KPNA7: variants seen among roughly 807,000 people sequenced by gnomAD.
The protein encoded by KPNA7 is importin subunit alpha-8.
A neutral mutation model predicts 53.7 loss-of-function variants in KPNA7; 54 were observed. That is an observed-to-expected ratio of 1.01 (90% CI 0.81 to 1.26). The LOEUF (loss-of-function observed/expected upper bound fraction) is 1.26, where lower values mean the gene tolerates loss of function less well. KPNA7 is among the 50% of genes most tolerant of loss of function. The probability of loss-of-function intolerance (pLI) is 0.00; values close to 1 mark genes in which losing one functional copy is unlikely to be tolerated. For synonymous variants in KPNA7, 276 were observed against 259.3 expected, an observed-to-expected ratio of 1.06 and a Z score of -0.62; for missense variants, 640 against 644.5, an observed-to-expected ratio of 0.99 and a Z score of 0.07.
intron 6 of KPNA7, among the ~76,000 whole-genome samples, chr7:99,189,511 G>A (rs1789824173): frequency 6.6e-6 from 1 of 152,088 alleles, no homozygotes; most frequent in Non-Finnish European, 1.5e-5. Flanking sequence ...GGGACTGTCA[G>A]CCCCTCCCCT....
At chr7:99,184,618 A>G (rs1440281995) in intron 8 of KPNA7, among the ~76,000 whole-genome samples, 1 of 152,192 alleles carries the variant, frequency 6.6e-6, no homozygotes, top group Non-Finnish European at 1.5e-5. Context: ...TAGGGAGAGA[A>G]TAGATGGCAC....
chr7:99,195,140 C>T lies in KPNA7; in HGVS notation c.483G>A (p.Leu161=). The change falls in exon 5 of 11, where the codon TTG becomes TTA. Residue 161 remains leucine (L), a synonymous_variant. Coordinates refer to ENST00000327442, the MANE Select transcript of KPNA7 (RefSeq NM_001145715.3). ...AVVEGGAIQP[L]IELLSSSNVA... ...CGTTGGAGGAAGACAGGAGCTCAATCAAGGGCTGGATGGCTCCCCCTTCTA... is the reference window on the plus strand; with the variant it reads ...CGTTGGAGGAAGACAGGAGCTCAATTAAGGGCTGGATGGCTCCCCCTTCTA... 6.4e-7 allele frequency: 1 copy of T among 1,551,630 alleles called. No homozygotes were observed. The highest frequency in any genetic ancestry group is 8.7e-7 in the Non-Finnish European group (1 of 1,147,002).
intron 3 of KPNA7, among the ~76,000 whole-genome samples, chr7:99,198,995 A>C (rs943245803): frequency 6.6e-6 from 1 of 151,784 alleles, no homozygotes; most frequent in Non-Finnish European, 1.5e-5. Flanking sequence ...TTTAATTTAC[A>C]ACATAAAAAG....
Position 99,178,063 on chromosome 7 carries a change from C to T in KPNA7, c.1321G>A (p.Ala441Thr), listed in dbSNP as rs1369210823. ...TTTTCCTTCTCAGACCGTTTCTCTG[C>T]CGCCTGTGACCAAGTACAAGGGGAC... ...LDVISCILQA[A>T]EKRSEKENLC... Residue 441 changes from alanine (A) to threonine (T), a missense_variant, in exon 10 of 11, where the codon GCA becomes ACA. By Grantham distance (58) the Ala-to-Thr change is moderately conservative. Transcript: ENST00000327442. The T allele has an allele frequency of 6.4e-7, 1 of 1,551,268 alleles. No homozygotes were observed.
At chr7:99,187,839 A>C (rs1386904964) in intron 7 of KPNA7, among the ~76,000 whole-genome samples, 40 of 121,720 alleles carry the variant, frequency 3.3e-4, no homozygotes, top group Middle Eastern at 5.1e-3. Flanking sequence ...AAAAAAACCC[A>C]CTAGGATTTG....
At chr7:99,187,821 A>ATT (rs767599674) in intron 7 of KPNA7, among the ~76,000 whole-genome samples, 30,309 of 135,444 alleles carry the variant, frequency 0.22, 4,323 homozygotes, top group South Asian at 0.33. Flanking sequence ...AAAAAAAAAA[A>ATT]AAAAAAAAAA....
chr7:99,207,660 G>C lies in KPNA7; in HGVS notation c.-23-171C>G, dbSNP rs147429358. ...TTTTTTTTTTTTTTTTTTTGAGACAGAGTCTCGCTCTGTTGCCCAGACTTG... is the reference window on the plus strand; with the variant it reads ...TTTTTTTTTTTTTTTTTTTGAGACACAGTCTCGCTCTGTTGCCCAGACTTG... On this transcript the variant is annotated intron_variant, in intron 1 of 10. Coordinates refer to ENST00000327442, the MANE Select transcript of KPNA7 (RefSeq NM_001145715.3). 3.5e-3 allele frequency among the ~76,000 whole-genome samples: 344 copies of C among 99,178 alleles called. 14 individuals are homozygous for C. The East Asian group carries it at 0.099, about 29-fold the overall frequency. 65.1% of individuals were successfully genotyped at this position (99,178 alleles called of 152,430 possible). A position where few individuals can be genotyped will look rare whatever the true frequency, so the allele number is the denominator to read the frequency against.
At chr7:99,190,352 A>AG (rs1434302459) in intron 6 of KPNA7, among the ~76,000 whole-genome samples, 4 of 142,476 alleles carry the variant, frequency 2.8e-5, no homozygotes, top group Non-Finnish European at 6.2e-5. Flanking sequence ...AAAAAAAAGC[A>AG]GAAAAAAAAG....
At chr7:99,194,546 C>A (rs1480950208) in intron 5 of KPNA7, among the ~76,000 whole-genome samples, 1 of 152,166 alleles carries the variant, frequency 6.6e-6, no homozygotes, top group Non-Finnish European at 1.5e-5. Context: ...CCTGTGGCTT[C>A]AGTATACACT....
chr7:99,146,586 C>T, the KPNA7 span, among the ~76,000 whole-genome samples: 3 of 151,684 alleles, frequency 2.0e-5, no homozygotes, highest in Non-Finnish European at 2.9e-5. Context: ...GTGGTGTGCA[C>T]CTGTAGTCCC....
At chr7:99,203,340 A>T (rs1406088746) in intron 2 of KPNA7, 100 bp from the exon 3 acceptor site, 17 of 1,256,964 alleles carry the variant, frequency 1.4e-5, no homozygotes, top group Non-Finnish European at 1.8e-5. Flanking sequence ...ATTTTTACAG[A>T]TACAATAGGC....
chr7:99,206,305 C>T (rs1790812566), intron 2 of KPNA7, among the ~76,000 whole-genome samples: 1 of 151,970 alleles, frequency 6.6e-6, no homozygotes, highest in African/African-American at 2.4e-5. Context: ...GGATTACAGG[C>T]CCCCGCCACC....
upstream of KPNA7, among the ~76,000 whole-genome samples, chr7:99,208,224 G>GAC (rs1790920097): frequency 6.6e-6 from 1 of 151,538 alleles, no homozygotes; most frequent in Admixed American, 6.6e-5. Context: ...CTACAGGCAT[G>GAC]AGCCACCACA....
the KPNA7 span, among the ~76,000 whole-genome samples, chr7:99,161,687 C>A: frequency 3.3e-5 from 5 of 152,146 alleles, no homozygotes; most frequent in African/African-American, 7.2e-5. Context: ...AGTTGGCTAA[C>A]CTTATGAGCT....
chr7:99,186,563 G>A (rs771001778), intron 7 of KPNA7, among the ~76,000 whole-genome samples: 2 of 151,648 alleles, frequency 1.3e-5, no homozygotes, highest in Non-Finnish European at 2.9e-5. Flanking sequence ...GCCAACATGG[G>A]GAAACACCGT....
At chr7:99,180,524 T>C (rs1397165773) in intron 9 of KPNA7, among the ~76,000 whole-genome samples, 1 of 120,188 alleles carries the variant, frequency 8.3e-6, no homozygotes, top group African/African-American at 3.2e-5. Context: ...TCTGTGTCTC[T>C]ATCTCTCTGT....
At chr7:99,163,107 G>C in the KPNA7 span, among the ~76,000 whole-genome samples, 3 of 151,770 alleles carry the variant, frequency 2.0e-5, no homozygotes, top group African/African-American at 4.8e-5. Context: ...CTTGAACCTG[G>C]GAGGCGGAGG....
chr7:99,165,297 CT>C, the KPNA7 span, among the ~76,000 whole-genome samples: 12 of 95,162 alleles, frequency 1.3e-4, no homozygotes, highest in South Asian at 3.3e-4. Context: ...GAGGCCTTGC[CT>C]TTTTAAAAAA....
At chr7:99,192,795 CA>C (rs1157943749) in intron 6 of KPNA7, among the ~76,000 whole-genome samples, 1 of 151,976 alleles carries the variant, frequency 6.6e-6, no homozygotes, top group East Asian at 1.9e-4. Context: ...AATTTCCCAA[CA>C]TTAGAATTTG....
Sources: allele counts gnomAD v4.1 joint callset (sites outside exome capture counted in the v4.1 genomes callset), GRCh38; gene constraint gnomAD v4.1.1; transcripts MANE v1.5; gene names NCBI Gene and HGNC (gene_info 2026-07-23, HGNC 2026-07-21).